LRBA: variants seen among roughly 807,000 people sequenced by gnomAD.
The protein encoded by LRBA is LPS responsive beige-like anchor protein, also known as lipopolysaccharide-responsive and beige-like anchor protein.
In LRBA, 176 loss-of-function variants were observed where a neutral mutation model predicts 330.0. That is an observed-to-expected ratio of 0.53 (90% confidence interval 0.47 to 0.60). The LOEUF (loss-of-function observed/expected upper bound fraction) is 0.60. LRBA is among the 20% of genes least tolerant of loss of function. The probability of loss-of-function intolerance (pLI) is 0.00; values close to 1 mark genes in which losing one functional copy is unlikely to be tolerated. For missense variants in LRBA, 3,259 were observed against 3,444.8 expected (o/e 0.95, Z 1.35); for synonymous variants, 1,230 against 1,193.0 (o/e 1.03, Z -0.64).
intron 47 of LRBA, among the ~76,000 whole-genome samples, chr4:150,407,551 A>G (rs1463970629): frequency 1.3e-5 from 2 of 152,220 alleles, no homozygotes; most frequent in Non-Finnish European, 2.9e-5. Flanking sequence ...TCACATCCAC[A>G]GAACACTCAA....
chr4:150,660,583 T>C (rs1442829451), intron 37 of LRBA, among the ~76,000 whole-genome samples: 2 of 147,080 alleles, frequency 1.4e-5, no homozygotes, highest in African/African-American at 2.4e-5. Context: ...AACAGCTCAT[T>C]GAGAACGGGC....
intron 44 of LRBA, among the ~76,000 whole-genome samples, chr4:150,463,044 C>T (rs539218470): frequency 8.6e-5 from 13 of 151,942 alleles, no homozygotes; most frequent in African/African-American, 2.4e-4. Context: ...AAACAATCAC[C>T]GCTATTTTAT....
At chr4:150,454,175 G>A (rs543758664) in intron 44 of LRBA, among the ~76,000 whole-genome samples, 1 of 152,208 alleles carries the variant, frequency 6.6e-6, no homozygotes, top group South Asian at 2.1e-4. Flanking sequence ...TGGCCAGGAT[G>A]GTCTTGATCT....
chr4:150,343,506 A>C (rs1735864436), intron 48 of LRBA, among the ~76,000 whole-genome samples: 1 of 152,220 alleles, frequency 6.6e-6, no homozygotes, highest in Non-Finnish European at 1.5e-5. Flanking sequence ...TAAATGAATT[A>C]GTAATGAATA....
chr4:150,594,418 CTCAA>C (rs758199889), intron 38 of LRBA, among the ~76,000 whole-genome samples: 4 of 151,992 alleles, frequency 2.6e-5, no homozygotes, highest in Non-Finnish European at 4.4e-5. Flanking sequence ...TTGCCTTATT[CTCAA>C]TCAACCATTA....
At chr4:150,689,078 G>A (rs1473461780) in intron 36 of LRBA, among the ~76,000 whole-genome samples, 1 of 152,156 alleles carries the variant, frequency 6.6e-6, no homozygotes, top group Non-Finnish European at 1.5e-5. Flanking sequence ...ATCAATGTTA[G>A]ACTGGATAAA....
intron 14 of LRBA, among the ~76,000 whole-genome samples, chr4:150,898,132 C>T (rs535978185): frequency 6.6e-6 from 1 of 151,720 alleles, no homozygotes; most frequent in African/African-American, 2.4e-5. Context: ...TAATAATATA[C>T]GTATTTTAAG....
At chr4:150,970,441 A>G (rs938448945) in intron 2 of LRBA, among the ~76,000 whole-genome samples, 6 of 151,752 alleles carry the variant, frequency 4.0e-5, no homozygotes, top group South Asian at 2.1e-4. Context: ...TTGAGGCTGC[A>G]GTAAGCCTTG....
At chr4:150,893,897 G>A (rs555606552) in intron 16 of LRBA, among the ~76,000 whole-genome samples, 43 of 152,018 alleles carry the variant, frequency 2.8e-4, no homozygotes, top group African/African-American at 9.2e-4. Flanking sequence ...GGATGGTCTC[G>A]ATCTCCTGAC....
chr4:150,701,399 AG>A lies in LRBA; in HGVS notation c.5755-17683del, dbSNP rs548340262. Reference sequence around the variant, plus strand: ...ACACAGTCGTTTAATATCATTACCAAGTATTATATAATTGTGCTGCACTTTC... The same window carrying A: ...ACACAGTCGTTTAATATCATTACCAATATTATATAATTGTGCTGCACTTTC... On this transcript the variant is annotated intron_variant, in intron 36 of 56. Transcript: ENST00000651943. Among the ~76,000 whole-genome samples, 17 of 152,360 alleles carry A rather than the reference AG, an allele frequency of 1.1e-4. No individual in the cohort carries two copies. The South Asian group carries it at 3.1e-3, about 28-fold the overall frequency.
intron 47 of LRBA, among the ~76,000 whole-genome samples, chr4:150,380,851 G>A (rs1168519516): frequency 3.7e-4 from 56 of 151,042 alleles, no homozygotes; most frequent in South Asian, 2.1e-4. Flanking sequence ...GTGAGGTGGC[G>A]GGTGCCTGTA....
rs1199459604 is a variant in LRBA at position 150,867,880 on chromosome 4, G to T, written c.2574-17C>A. On this transcript the variant is annotated splice_polypyrimidine_tract_variant and intron_variant, in intron 21 of 56. Transcript: ENST00000651943. ...AGCAAGCTCCTGAAAATTATGAGAG[G>T]GTACTAAATTACTGAAGAAAAAAAA... 6.4e-7 allele frequency: 1 copy of T among 1,566,660 alleles called. No homozygotes were observed. The highest frequency in any genetic ancestry group is 1.2e-5 in the South Asian group (1 of 82,728).
intron 36 of LRBA, among the ~76,000 whole-genome samples, chr4:150,726,976 G>A (rs1385343513): frequency 9.9e-5 from 12 of 121,592 alleles, no homozygotes; most frequent in South Asian, 2.9e-4. Flanking sequence ...CAGATCTCAC[G>A]GACAAAAAAA....
At chr4:150,872,895 A>G (rs987469134) in intron 17 of LRBA, 140 bp from the exon 18 acceptor site, 1 of 448,262 alleles carries the variant, frequency 2.2e-6, no homozygotes, top group African/African-American at 2.1e-5. Flanking sequence ...CTGTATATAA[A>G]AAATCTGCTT....
At position 150,828,637 on chromosome 4, in the gene LRBA, A is replaced by G; in HGVS notation, c.4730-16T>C. On this transcript the variant is annotated splice_polypyrimidine_tract_variant and intron_variant, in intron 29 of 56. Coordinates refer to ENST00000651943, the MANE Select transcript of LRBA (RefSeq NM_001364905.1). Reference sequence around the variant, plus strand: ...GGTGTGATTTCTATATCATACCCAGAAACACAAGAAATAAACAAACAAAAG... The same window carrying G: ...GGTGTGATTTCTATATCATACCCAGGAACACAAGAAATAAACAAACAAAAG... 6.3e-7 allele frequency: 1 copy of G among 1,589,192 alleles called. No homozygotes were observed. The highest frequency in any genetic ancestry group is 8.6e-7 in the Non-Finnish European group (1 of 1,166,730).
intron 34 of LRBA, among the ~76,000 whole-genome samples, chr4:150,765,353 C>T (rs1324777527): frequency 6.6e-6 from 1 of 152,054 alleles, no homozygotes; most frequent in African/African-American, 2.4e-5. Flanking sequence ...ACACATTTGT[C>T]TAAACTCACA....
chr4:151,005,662 T>C (rs1475127178), intron 2 of LRBA, among the ~76,000 whole-genome samples: 1 of 141,578 alleles, frequency 7.1e-6, no homozygotes, highest in Non-Finnish European at 1.5e-5. Flanking sequence ...TGGAGCACAG[T>C]GGTGCAATCT....
chr4:150,758,391 T>A (rs1009461915), intron 35 of LRBA, among the ~76,000 whole-genome samples: 14 of 152,012 alleles, frequency 9.2e-5, no homozygotes, highest in African/African-American at 3.4e-4. Flanking sequence ...ATCTTAAGAG[T>A]GATGCCTGGC....
chr4:150,441,118 GATA>G (rs1402498704), intron 44 of LRBA, among the ~76,000 whole-genome samples: 12 of 151,788 alleles, frequency 7.9e-5, no homozygotes, highest in Non-Finnish European at 1.6e-4. Flanking sequence ...TAATAATAAT[GATA>G]ATAATTATTA....
Sources: gnomAD v4.1 joint callset for allele counts (sites outside exome capture counted in the v4.1 genomes callset) on GRCh38, gnomAD v4.1.1 for gene constraint, MANE v1.5 for transcripts, NCBI Gene and HGNC (gene_info 2026-07-23, HGNC 2026-07-21) for gene names.